ODF2L: variants seen among roughly 807,000 people sequenced by gnomAD.
ODF2L encodes the protein protein BCAP.
A neutral mutation model predicts 86.3 loss-of-function variants in ODF2L; 76 were observed. The ratio of observed to expected loss-of-function variants is 0.88; its 90% CI spans 0.73 to 1.07. The LOEUF (loss-of-function observed/expected upper bound fraction) is 1.07, where lower values mean the gene tolerates loss of function less well. ODF2L is among the 50% of genes least tolerant of loss of function. The probability of loss-of-function intolerance (pLI) is 0.00; values close to 1 mark genes in which losing one functional copy is unlikely to be tolerated. For synonymous variants in ODF2L, 241 were observed against 231.3 expected, an observed-to-expected ratio of 1.04 and a Z score of -0.38; for missense variants, 748 against 717.4, an observed-to-expected ratio of 1.04 and a Z score of -0.49.
chr1:86,365,222 T>G (rs914513089), intron 11 of ODF2L, among the ~76,000 whole-genome samples: 9 of 152,170 alleles, frequency 5.9e-5, no homozygotes, highest in African/African-American at 2.2e-4. Flanking sequence ...AGTATTGACA[T>G]GAGAATTAGA....
At chr1:86,364,792 T>G (rs1208248653) in intron 11 of ODF2L, among the ~76,000 whole-genome samples, 2 of 152,174 alleles carry the variant, frequency 1.3e-5, no homozygotes, top group Non-Finnish European at 2.9e-5. Context: ...AACAGAAAGC[T>G]AAAAAGCTAA....
At chr1:86,356,686 A>G in intron 13 of ODF2L, 84 bp from the exon 13 acceptor site, 1 of 1,149,606 alleles carries the variant, frequency 8.7e-7, no homozygotes, top group Non-Finnish European at 1.2e-6. Context: ...AGATATGCTT[A>G]TAACGTAAGT....
intron 16 of ODF2L, among the ~76,000 whole-genome samples, chr1:86,353,348 T>C (rs1483204994): frequency 6.6e-6 from 1 of 152,192 alleles, no homozygotes; most frequent in Non-Finnish European, 1.5e-5. Context: ...AGAAATTTCT[T>C]GTTAAATACT....
chr1:86,357,839 C>T, intron 13 of ODF2L: 1 of 985,292 alleles, frequency 1.0e-6, no homozygotes. Flanking sequence ...CCCTTTCCGT[C>T]ATTTGAACAG....
chr1:86,373,167 C>T (rs1010868997), intron 8 of ODF2L, among the ~76,000 whole-genome samples: 2 of 152,004 alleles, frequency 1.3e-5, no homozygotes, highest in African/African-American at 2.4e-5. Context: ...AAGTAAATAT[C>T]TATATTGCTA....
intron 16 of ODF2L, among the ~76,000 whole-genome samples, chr1:86,353,574 C>T (rs967843541): frequency 6.6e-6 from 1 of 152,004 alleles, no homozygotes; most frequent in East Asian, 1.9e-4. Flanking sequence ...TCTAAGGAAG[C>T]CTATTTGTAA....
intron 6 of ODF2L, 130 bp from the exon 7 acceptor site, chr1:86,382,488 A>G (rs1386571947): frequency 6.9e-7 from 1 of 1,448,198 alleles, no homozygotes; most frequent in African/African-American, 1.5e-5. Flanking sequence ...ACTACTTTAC[A>G]TAAACTGCCG....
At chr1:86,392,779 C>G (rs1247599722) in intron 1 of ODF2L, among the ~76,000 whole-genome samples, 2 of 151,806 alleles carry the variant, frequency 1.3e-5, no homozygotes, top group East Asian at 1.9e-4. Context: ...ACTCATGTAA[C>G]CAAATACCAC....
chr1:86,354,475 A>AC (rs1459328353), intron 16 of ODF2L, 55 bp downstream of exon 15: 2 of 1,176,212 alleles, frequency 1.7e-6, no homozygotes, highest in Non-Finnish European at 2.5e-6. Flanking sequence ...GATGTTTAAA[A>AC]AGATGACTCT....
chr1:86,392,683 G>A (rs1354786925), intron 1 of ODF2L, among the ~76,000 whole-genome samples: 1 of 152,100 alleles, frequency 6.6e-6, no homozygotes, highest in East Asian at 1.9e-4. Flanking sequence ...AAGGGGGTGA[G>A]TGATAAAAGA....
At chr1:86,385,577 T>A (rs1313221331) in exon 3 of ODF2L, 3 of 1,611,450 alleles carry the variant, frequency 1.9e-6, no homozygotes, top group Non-Finnish European at 1.7e-6. Context: ...TCATTTAGAA[T>A]GTCCTGCTTC....
chr1:86,379,817 G>C (rs1660439191), intron 7 of ODF2L, among the ~76,000 whole-genome samples: 2 of 152,118 alleles, frequency 1.3e-5, no homozygotes, highest in Non-Finnish European at 1.5e-5. Context: ...AGAGTCATAA[G>C]ATAAGTATTA....
downstream of ODF2L, chr1:86,348,807 C>T (rs751937551): frequency 3.2e-6 from 5 of 1,554,938 alleles, no homozygotes; most frequent in African/African-American, 5.6e-5. Context: ...TCTTAATACT[C>T]TCATTTTGAT....
At chr1:86,348,768 A>G, downstream of ODF2L, 2 of 1,517,756 alleles carry the variant, frequency 1.3e-6, no homozygotes, top group Non-Finnish European at 1.8e-6. Flanking sequence ...ACATTGTTAC[A>G]TAAGAAGTTT....
At chr1:86,360,523 G>A in exon 12 of ODF2L, 1 of 1,570,302 alleles carries the variant, frequency 6.4e-7, no homozygotes, top group Non-Finnish European at 8.7e-7. Context: ...ATCCTTCAAA[G>A]CAGCAAGTGT....
intron 9 of ODF2L, among the ~76,000 whole-genome samples, chr1:86,371,387 T>C (rs1024022645): frequency 6.6e-6 from 1 of 152,148 alleles, no homozygotes; most frequent in African/African-American, 2.4e-5. Context: ...CAACAAAAAA[T>C]TATACAACAT....
At chr1:86,382,452 T>G in intron 6 of ODF2L, 94 bp from the exon 7 acceptor site, 1 of 1,542,050 alleles carries the variant, frequency 6.5e-7, no homozygotes, top group Non-Finnish European at 8.7e-7. Context: ...TTAGGCACAA[T>G]CTAAACAGCT....
chr1:86,354,429 T>C (rs1570347507), intron 16 of ODF2L, 101 bp downstream of exon 15: 3 of 732,164 alleles, frequency 4.1e-6, no homozygotes, highest in Non-Finnish European at 6.9e-6. Flanking sequence ...CCCTTCACCC[T>C]GTCATCAGGA....
rs12045012 is a variant in ODF2L, at chr1:86,363,287, A to G, written c.1144-2751T>C. 0.011 allele frequency among the ~76,000 whole-genome samples: 1,699 copies of G among 152,298 alleles called. 68 individuals are homozygous for G. In the East Asian group the frequency reaches 0.12, roughly 10 times the overall value. On this transcript the variant is annotated intron_variant, in intron 11 of 17. Coordinates refer to ENST00000317336, the Ensembl canonical transcript of ODF2L. ...TTTTAGACACCTATTAAATATTGAC[A>G]TGGAGATGTCAATCAGGCAGCAGAA...
Sources: gnomAD v4.1 joint callset for allele counts (sites outside exome capture counted in the v4.1 genomes callset) on GRCh38, gnomAD v4.1.1 for gene constraint, MANE v1.5 for transcripts, NCBI Gene and HGNC (gene_info 2026-07-23, HGNC 2026-07-21) for gene names.